The following DAP variants were observed in gnomAD, a reference collection of about 807,000 sequenced individuals.
DAP encodes the protein death-associated protein 1.
Under a neutral mutation model 13.8 loss-of-function variants are expected in DAP, and 8 were observed. That is an observed-to-expected ratio of 0.58 (90% CI 0.34 to 1.05). DAP has a LOEUF of 1.05. Among genes scored for constraint, DAP ranks in the 50% least tolerant of loss-of-function variants. The pLI is 0.03. For missense variants in DAP, 106 were observed against 133.2 expected (o/e 0.80, Z 1.01); for synonymous variants, 47 against 47.5 (o/e 0.99, Z 0.04).
At chr5:10,711,457 G>A (rs752207822) in intron 2 of DAP, among the ~76,000 whole-genome samples, 1 of 152,252 alleles carries the variant, frequency 6.6e-6, no homozygotes, top group Non-Finnish European at 1.5e-5. Context: ...AGTGTTTACA[G>A]GATTCTCCTA....
chr5:10,701,085 G>A (rs899982036), intron 2 of DAP, among the ~76,000 whole-genome samples: 1 of 152,226 alleles, frequency 6.6e-6, no homozygotes, highest in Non-Finnish European at 1.5e-5. Flanking sequence ...CACCCAGGAG[G>A]CAAACCATGG....
Position 10,729,319 on chromosome 5 carries a change from T to C in DAP, c.152+18856A>G, listed in dbSNP as rs564474039. ...TATACCCCACCACCATCTTTGAAAATAGGCACCCATATCAGAACATGTGTA... is the reference window on the plus strand; with the variant it reads ...TATACCCCACCACCATCTTTGAAAACAGGCACCCATATCAGAACATGTGTA... On this transcript the variant is annotated intron_variant, in intron 2 of 3. Coordinates refer to ENST00000230895, the MANE Select transcript of DAP (RefSeq NM_004394.3). Among the ~76,000 whole-genome samples the C allele has an allele frequency of 1.5e-4, 23 of 152,330 alleles. No homozygotes were observed. In the South Asian group the frequency reaches 2.1e-3, roughly 14 times the overall value.
chr5:10,746,335 T>C (rs1739906055), intron 2 of DAP, among the ~76,000 whole-genome samples: 1 of 149,890 alleles, frequency 6.7e-6, no homozygotes, highest in African/African-American at 2.4e-5. Context: ...TTTTTTTTGT[T>C]TTTTTTTTTT....
intron 2 of DAP, among the ~76,000 whole-genome samples, chr5:10,691,871 A>G (rs1412006264): frequency 6.6e-6 from 1 of 152,324 alleles, no homozygotes; most frequent in Non-Finnish European, 1.5e-5. Context: ...GTGGGTCTCT[A>G]TTGTCCATCT....
intron 1 of DAP, among the ~76,000 whole-genome samples, chr5:10,752,674 G>T (rs1740075467): frequency 6.6e-6 from 1 of 152,180 alleles, no homozygotes; most frequent in African/African-American, 2.4e-5. Context: ...CTGTGCATAA[G>T]TGTGTGCACA....
At chr5:10,737,099 ACTTTGGGAGG>A (rs1178573307) in intron 2 of DAP, among the ~76,000 whole-genome samples, 1 of 152,074 alleles carries the variant, frequency 6.6e-6, no homozygotes, top group Non-Finnish European at 1.5e-5. Context: ...TAATCCCAAC[ACTTTGGGAGG>A]CTGAGGCAGG....
At chr5:10,759,225 T>C (rs758829272) in intron 1 of DAP, among the ~76,000 whole-genome samples, 6 of 152,204 alleles carry the variant, frequency 3.9e-5, no homozygotes, top group Non-Finnish European at 7.3e-5. Context: ...TGTCTCTGTA[T>C]GCAATTTAAT....
At chr5:10,753,060 C>T (rs1222605979) in intron 1 of DAP, among the ~76,000 whole-genome samples, 1 of 152,200 alleles carries the variant, frequency 6.6e-6, no homozygotes, top group Non-Finnish European at 1.5e-5. Context: ...ACCTGCCCAT[C>T]GTGGTGCTGA....
intron 2 of DAP, among the ~76,000 whole-genome samples, chr5:10,697,871 G>A (rs906286261): frequency 9.9e-5 from 15 of 152,102 alleles, no homozygotes; most frequent in African/African-American, 3.6e-4. Flanking sequence ...CCCAGCAACA[G>A]AATTAGAGAG....
rs188361027 is a variant in DAP, at chr5:10,722,490, A to C, written c.152+25685T>G. Among the ~76,000 whole-genome samples, 339 of 149,852 alleles carry C rather than the reference A, an allele frequency of 2.3e-3. 1 individual carries two copies. The highest frequency in any genetic ancestry group is 5.2e-3 in the Admixed American group (78 of 14,964). On this transcript the variant is annotated intron_variant, in intron 2 of 3. Transcript: ENST00000230895. Reference sequence around the variant, plus strand: ...TTAATACTTAATAAACTCTCTCTCTATATATATACACATACATATGCATAC... The same window carrying C: ...TTAATACTTAATAAACTCTCTCTCTCTATATATACACATACATATGCATAC...
intron 2 of DAP, among the ~76,000 whole-genome samples, chr5:10,691,655 GA>G (rs528261289): frequency 1.2e-3 from 189 of 152,280 alleles, no homozygotes; most frequent in African/African-American, 4.4e-3. Flanking sequence ...TTTCTCTCAG[GA>G]AACAGAGAGT....
chr5:10,748,126 G>T, intron 2 of DAP, 49 bp downstream of exon 2: 2 of 1,302,418 alleles, frequency 1.5e-6, no homozygotes, highest in South Asian at 1.2e-5. Flanking sequence ...ATGCTTAACC[G>T]AATAGGGTTT....
rs76952728 is a variant in DAP at position 10,694,239 on chromosome 5, A to G, written c.153-10668T>C. Among the ~76,000 whole-genome samples the G allele has an allele frequency of 1.9e-3, 286 of 152,280 alleles. 8 individuals carry two copies. The East Asian group carries it at 0.039, about 21-fold the overall frequency. ...CAAATGGACACCATGAGTGTGGGCT[A>G]GAGTGTTGGATGATCCGGGTTCAAA... On this transcript the variant is annotated intron_variant, in intron 2 of 3. Coordinates refer to ENST00000230895, the MANE Select transcript of DAP (RefSeq NM_004394.3).
rs751960003 is a variant in DAP at position 10,748,236 on chromosome 5, G to T, written c.91C>A (p.Pro31Thr). 3 of 1,613,924 alleles carry T rather than the reference G, an allele frequency of 1.9e-6. No homozygotes were observed. In the Admixed American group the frequency reaches 5.0e-5, roughly 27 times the overall value. The change falls in exon 2 of 4, where the codon CCA (proline) becomes ACA (threonine). Residue 31 changes from proline (P) to threonine (T), a missense_variant. By Grantham distance (38) the Pro-to-Thr change is conservative. Coordinates refer to ENST00000230895, the MANE Select transcript of DAP (RefSeq NM_004394.3). ...AGGMRIVQKH[P>T]HTGDTKEEKD... ...TCTTCTTTGGTGTCTCCTGTATGTG[G>T]GTGTTTCTGCACAATTCGCATTCCA... is the stretch of plus-strand genomic sequence containing the variant.
At chr5:10,733,402 T>C (rs893351055) in intron 2 of DAP, among the ~76,000 whole-genome samples, 13 of 152,300 alleles carry the variant, frequency 8.5e-5, no homozygotes, top group East Asian at 1.9e-4. Flanking sequence ...ACTTTGTGGA[T>C]TGCTACCCAA....
intron 2 of DAP, among the ~76,000 whole-genome samples, chr5:10,699,619 C>G (rs146080497): frequency 1.2e-3 from 187 of 152,356 alleles, no homozygotes; most frequent in African/African-American, 4.3e-3. Context: ...ACAGGAAGGA[C>G]TTCCACAAGA....
intron 2 of DAP, among the ~76,000 whole-genome samples, chr5:10,698,282 CAAAAAAAAAAAAAAA>C (rs71613386): frequency 4.7e-5 from 2 of 42,904 alleles, no homozygotes; most frequent in Non-Finnish European, 9.0e-5. Context: ...CCAGACTTAG[CAAAAAAAAAAAAAAA>C]AAAAAAAAAA....
intron 2 of DAP, among the ~76,000 whole-genome samples, chr5:10,741,548 G>C (rs1332642818): frequency 6.6e-6 from 1 of 152,166 alleles, no homozygotes; most frequent in Non-Finnish European, 1.5e-5. Flanking sequence ...GTAATTAGAA[G>C]TATACTGTTG....
chr5:10,751,499 T>C (rs569391428), intron 1 of DAP, among the ~76,000 whole-genome samples: 2 of 152,258 alleles, frequency 1.3e-5, no homozygotes, highest in East Asian at 3.9e-4. Flanking sequence ...AAATATTTTT[T>C]AAAAATTCAT....
Sources: allele counts gnomAD v4.1 joint callset (sites outside exome capture counted in the v4.1 genomes callset), GRCh38; gene constraint gnomAD v4.1.1; transcripts MANE v1.5; gene names NCBI Gene and HGNC (gene_info 2026-07-23, HGNC 2026-07-21).